The following PDE10A variants were observed in gnomAD, a reference collection of about 807,000 sequenced individuals.
PDE10A encodes cAMP and cAMP-inhibited cGMP 3',5'-cyclic phosphodiesterase 10A.
PDE10A carries 39 observed loss-of-function variants against 97.7 expected under a neutral mutation model. The observed-to-expected ratio is 0.40, with a 90% CI of 0.31 to 0.52. PDE10A has a LOEUF of 0.52. Ranked by LOEUF, PDE10A falls within the 20% of genes least tolerant of loss-of-function variation. PDE10A has a pLI of 0.56. For missense variants in PDE10A, 731 were observed against 1,047.8 expected (o/e 0.70, Z 4.17); for synonymous variants, 371 against 376.8 (o/e 0.98, Z 0.18).
At chr6:165,894,909 C>T (rs1781904749) in intron 1 of PDE10A, among the ~76,000 whole-genome samples, 1 of 152,178 alleles carries the variant, frequency 6.6e-6, no homozygotes, top group Non-Finnish European at 1.5e-5. Flanking sequence ...ACCCATGGAG[C>T]TTTAAATATT....
At chr6:165,651,467 A>G (rs896872854) in intron 1 of PDE10A, among the ~76,000 whole-genome samples, 7 of 152,178 alleles carry the variant, frequency 4.6e-5, no homozygotes, top group Admixed American at 2.0e-4. Flanking sequence ...CAATTCAAGA[A>G]CTACAGGGAG....
chr6:165,372,921 G>A (rs1004193366), intron 18 of PDE10A, among the ~76,000 whole-genome samples: 2 of 151,674 alleles, frequency 1.3e-5, no homozygotes, highest in Non-Finnish European at 2.9e-5. Context: ...CAGAAATAAC[G>A]CTGCATATCT....
At chr6:165,553,740 A>C (rs751023010) in intron 1 of PDE10A, among the ~76,000 whole-genome samples, 4 of 152,240 alleles carry the variant, frequency 2.6e-5, no homozygotes, top group Admixed American at 2.6e-4. Context: ...CCAAAGTGAA[A>C]TTAATTACTT....
At chr6:165,696,761 G>A (rs552067594) in intron 1 of PDE10A, among the ~76,000 whole-genome samples, 2 of 152,280 alleles carry the variant, frequency 1.3e-5, no homozygotes, top group East Asian at 3.9e-4. Context: ...TTGTAAATAT[G>A]TTCACACAAC....
intron 13 of PDE10A, among the ~76,000 whole-genome samples, chr6:165,411,632 A>G (rs1182933379): frequency 6.6e-6 from 1 of 152,222 alleles, no homozygotes; most frequent in African/African-American, 2.4e-5. Context: ...TACCAATGTT[A>G]ATTTCTTGAT....
chr6:165,656,981 G>A (rs568383156), intron 1 of PDE10A, among the ~76,000 whole-genome samples: 8 of 152,336 alleles, frequency 5.3e-5, no homozygotes, highest in African/African-American at 1.7e-4. Context: ...AGTGCTCATC[G>A]ATTTCTAGGT....
At chr6:165,927,678 AGTTTT>A (rs1416274330) in intron 1 of PDE10A, among the ~76,000 whole-genome samples, 1 of 118,532 alleles carries the variant, frequency 8.4e-6, no homozygotes, top group Non-Finnish European at 1.7e-5. Flanking sequence ...ATATATATAT[AGTTTT>A]TTGTTTGTTT....
At chr6:165,646,416 T>C (rs909269330) in intron 1 of PDE10A, among the ~76,000 whole-genome samples, 1 of 152,226 alleles carries the variant, frequency 6.6e-6, no homozygotes, top group African/African-American at 2.4e-5. Context: ...GAAAAAGTAT[T>C]TAATGAACTA....
intron 13 of PDE10A, among the ~76,000 whole-genome samples, chr6:165,406,260 GTTTC>G (rs1787154710): frequency 1.3e-5 from 2 of 150,148 alleles, no homozygotes; most frequent in Admixed American, 6.6e-5. Flanking sequence ...GTGTGTGTGT[GTTTC>G]TGTGTGTGAT....
At chr6:165,502,153 G>A (rs1261469372) in intron 2 of PDE10A, among the ~76,000 whole-genome samples, 1 of 152,148 alleles carries the variant, frequency 6.6e-6, no homozygotes, top group Non-Finnish European at 1.5e-5. Context: ...GCACATATAA[G>A]GGTGAAAACT....
chr6:165,594,064 C>T (rs2128387716), intron 1 of PDE10A, among the ~76,000 whole-genome samples: 1 of 152,250 alleles, frequency 6.6e-6, no homozygotes, highest in South Asian at 2.1e-4. Flanking sequence ...TTGGAGATAG[C>T]ATTATAACTC....
intron 1 of PDE10A, among the ~76,000 whole-genome samples, chr6:165,951,257 C>A (rs1164153941): frequency 6.6e-6 from 1 of 152,170 alleles, no homozygotes; most frequent in Non-Finnish European, 1.5e-5. Flanking sequence ...GTATATTAAA[C>A]ATCATCTCCA....
At chr6:165,519,218 C>G (rs997760552) in intron 2 of PDE10A, among the ~76,000 whole-genome samples, 1 of 152,040 alleles carries the variant, frequency 6.6e-6, no homozygotes, top group African/African-American at 2.4e-5. Context: ...TCAGTTCAAA[C>G]TTACGATATA....
chr6:165,449,088 A>G, intron 4 of PDE10A, 111 bp from the exon 5 acceptor site: 1 of 760,816 alleles, frequency 1.3e-6, no homozygotes, highest in Non-Finnish European at 2.4e-6. Context: ...ATTTGTTAAC[A>G]GAATCAATGG....
chr6:165,810,377 A>G (rs1176945296), intron 1 of PDE10A, among the ~76,000 whole-genome samples: 1 of 152,062 alleles, frequency 6.6e-6, no homozygotes, highest in African/African-American at 2.4e-5. Flanking sequence ...GAAAAACAGA[A>G]CTAGGCTCCC....
chr6:165,616,115 T>C (rs1353631839), intron 1 of PDE10A, among the ~76,000 whole-genome samples: 1 of 152,156 alleles, frequency 6.6e-6, no homozygotes, highest in African/African-American at 2.4e-5. Context: ...CAGAAGGCAT[T>C]TTCCGAGTCG....
At chr6:165,866,622 G>T (rs1781058533) in intron 1 of PDE10A, among the ~76,000 whole-genome samples, 1 of 142,192 alleles carries the variant, frequency 7.0e-6, no homozygotes, top group South Asian at 2.3e-4. Flanking sequence ...GCAAATTATA[G>T]ACAAACTGTC....
At chr6:165,958,739 G>GAA (rs1784262996) in intron 1 of PDE10A, among the ~76,000 whole-genome samples, 2 of 14,782 alleles carry the variant, frequency 1.4e-4, no homozygotes, top group Admixed American at 1.9e-3. Flanking sequence ...AAGAAAGAAA[G>GAA]AAAGAAAGAG....
chr6:165,730,903 T>G (rs529391614), intron 1 of PDE10A, among the ~76,000 whole-genome samples: 3 of 146,410 alleles, frequency 2.0e-5, no homozygotes, highest in Non-Finnish European at 4.5e-5. Context: ...AAAATTAGCC[T>G]GGCGTGGTGG....
Sources: allele counts gnomAD v4.1 joint callset (sites outside exome capture counted in the v4.1 genomes callset), GRCh38; gene constraint gnomAD v4.1.1; transcripts MANE v1.5; gene names NCBI Gene and HGNC (gene_info 2026-07-23, HGNC 2026-07-21).